The following CLTC variants were observed in gnomAD, a reference collection of about 807,000 sequenced individuals.
CLTC encodes clathrin heavy chain 1.
Under a neutral mutation model 195.8 loss-of-function variants are expected in CLTC, and 16 were observed. The observed-to-expected ratio is 0.08, with a 90% CI of 0.06 to 0.12. The LOEUF (loss-of-function observed/expected upper bound fraction) is 0.12. Among genes scored for constraint, CLTC ranks in the 10% least tolerant of loss-of-function variants. The pLI, the probability that CLTC is intolerant of heterozygous loss-of-function variation, is 1.00. For missense variants in CLTC, 796 were observed against 2,027.0 expected (o/e 0.39, Z 11.66); for synonymous variants, 667 against 689.4 (o/e 0.97, Z 0.51).
chr17:59,645,405 A>G (rs1402771965), intron 2 of CLTC, among the ~76,000 whole-genome samples: 2 of 152,216 alleles, frequency 1.3e-5, no homozygotes, highest in Non-Finnish European at 1.5e-5. Context: ...AAGTCTAAAC[A>G]GAGTTCAAAG....
At chr17:59,654,942 G>A (rs1487300701) in intron 5 of CLTC, among the ~76,000 whole-genome samples, 1 of 152,180 alleles carries the variant, frequency 6.6e-6, no homozygotes, top group Non-Finnish European at 1.5e-5. Context: ...GTGAGAAAAT[G>A]AGACTGGGAT....
At chr17:59,668,286 G>GTGTA (rs1284204465) in intron 13 of CLTC, among the ~76,000 whole-genome samples, 2 of 152,210 alleles carry the variant, frequency 1.3e-5, no homozygotes, top group African/African-American at 4.8e-5. Flanking sequence ...GGGCACAATG[G>GTGTA]TGTATGCCTT....
Position 59,681,758 on chromosome 17 carries a change from G to A in CLTC, c.3361G>A (p.Val1121Met), listed in dbSNP as rs1292073753. 2 of 1,614,078 alleles carry A rather than the reference G, an allele frequency of 1.2e-6. No homozygotes were observed. Among genetic ancestry groups the A allele is most frequent in the South Asian group, 1.1e-5 (1 of 91,074 alleles). Reference protein sequence around the residue: ...LAKAQLQKGMVKEAIDSYIKA... With the variant: ...LAKAQLQKGMMKEAIDSYIKA... ...AAAAGCCCAGTTGCAGAAAGGAATGGTGAAAGAAGCCATTGATTCTTATAT... is the reference window on the plus strand; with the variant it reads ...AAAAGCCCAGTTGCAGAAAGGAATGATGAAAGAAGCCATTGATTCTTATAT... The change falls in exon 21 of 32, where the codon GTG (valine) becomes ATG (methionine). Residue 1121 changes from valine (V) to methionine (M), a missense_variant. Physicochemically the swap from Val to Met is conservative, Grantham distance 21 (BLOSUM62 1). This residue lies in a region of CLTC where 50 missense variants were observed against 77.2 expected (regional missense o/e 0.65). Coordinates refer to ENST00000269122, the MANE Select transcript of CLTC (RefSeq NM_004859.4). This position sits in a 1 kb window ranked among gnomAD's most constrained non-coding sequence, Gnocchi z 5.0.
intron 1 of CLTC, among the ~76,000 whole-genome samples, chr17:59,626,775 T>G (rs1013594053): frequency 1.3e-5 from 2 of 152,244 alleles, no homozygotes; most frequent in Non-Finnish European, 2.9e-5. Flanking sequence ...TGCTCTTAAC[T>G]CAAAAGATGG....
intron 30 of CLTC, among the ~76,000 whole-genome samples, chr17:59,686,682 C>T (rs2033192064): frequency 6.6e-6 from 1 of 152,136 alleles, no homozygotes; most frequent in Non-Finnish European, 1.5e-5. Context: ...TTATCTTAGC[C>T]ATAGATGAGA....
At chr17:59,634,539 A>T (rs1250833146) in intron 1 of CLTC, among the ~76,000 whole-genome samples, 2 of 152,180 alleles carry the variant, frequency 1.3e-5, no homozygotes, top group Non-Finnish European at 2.9e-5. Context: ...CTGGTAGTTT[A>T]CCAAAGCTAA....
At chr17:59,640,908 C>G (rs2032010865) in intron 1 of CLTC, among the ~76,000 whole-genome samples, 1 of 151,776 alleles carries the variant, frequency 6.6e-6, no homozygotes, top group Admixed American at 6.6e-5. Flanking sequence ...AACATGAGGT[C>G]AAGAGATCGA....
Position 59,620,087 on chromosome 17 carries a change from C to A in CLTC, c.-45C>A, listed in dbSNP as rs1371493693. ...TTGGAGAGCCCGGGCAGCCACTGCCCCGCAGCCCCAGTGACAGGAGGAGAC... is the reference window on the plus strand; with the variant it reads ...TTGGAGAGCCCGGGCAGCCACTGCCACGCAGCCCCAGTGACAGGAGGAGAC... On this transcript the variant is annotated 5_prime_UTR_variant, in exon 1 of 32. Transcript: ENST00000269122. 2.5e-6 allele frequency: 4 copies of A among 1,606,318 alleles called. No individual in the cohort carries two copies. The Admixed American group carries it at 5.0e-5, about 20-fold the overall frequency.
rs1010949878 is a variant in CLTC at position 59,695,897 on chromosome 17, A to G, written c.*2045A>G. ...TCTGTGGAGACCCTGTGGGTTCTGCAGAGTATACTTTGAAAACTATAAGAT... is the reference window on the plus strand; with the variant it reads ...TCTGTGGAGACCCTGTGGGTTCTGCGGAGTATACTTTGAAAACTATAAGAT... On this transcript the variant is annotated 3_prime_UTR_variant, in exon 32 of 32. Transcript: ENST00000269122. 2.0e-5 allele frequency: 4 copies of G among 199,498 alleles called. No homozygotes were observed. The highest frequency in any genetic ancestry group is 9.2e-5 in the African/African-American group (4 of 43,464). 12.4% of individuals were successfully genotyped at this position (199,498 alleles called of 1,614,324 possible).
At chr17:59,658,743 T>C (rs558085348) in intron 6 of CLTC, 1 of 152,370 alleles carries the variant, frequency 6.6e-6, no homozygotes, top group Admixed American at 6.5e-5. Flanking sequence ...AGAAATCTGC[T>C]AGAACAGTCT....
chr17:59,643,617 C>A (rs957559797), intron 1 of CLTC, among the ~76,000 whole-genome samples: 7 of 152,184 alleles, frequency 4.6e-5, no homozygotes, highest in African/African-American at 1.7e-4. Context: ...TATAGTGTTA[C>A]AAAAGTACTT....
intron 6 of CLTC, among the ~76,000 whole-genome samples, chr17:59,659,095 A>G (rs1194467448): frequency 6.6e-6 from 1 of 152,232 alleles, no homozygotes; most frequent in South Asian, 2.1e-4. Context: ...GTTTTATGCT[A>G]TACTAATTGC....
intron 1 of CLTC, among the ~76,000 whole-genome samples, chr17:59,643,132 G>GGGGTGT (rs747258707): frequency 7.4e-4 from 105 of 142,318 alleles, no homozygotes; most frequent in Middle Eastern, 7.1e-3. Context: ...TCTTTTCTGG[G>GGGGTGT]GTGTGTGTGT....
chr17:59,649,763 AT>A lies in CLTC; in HGVS notation c.681+1363del, dbSNP rs2032285323. Among the ~76,000 whole-genome samples, 3 of 152,356 alleles carry A rather than the reference AT, an allele frequency of 2.0e-5. No homozygotes were observed. The South Asian group carries it at 6.2e-4, about 32-fold the overall frequency. On this transcript the variant is annotated intron_variant, in intron 4 of 31. Transcript: ENST00000269122. ...TTTCACGATAGCCCCTGAATTGAGGATAATGCTACCAACACCTCAATGTGAC... is the reference window on the plus strand; with the variant it reads ...TTTCACGATAGCCCCTGAATTGAGGAAATGCTACCAACACCTCAATGTGAC...
chr17:59,692,216 C>T (rs1231735400), intron 31 of CLTC, among the ~76,000 whole-genome samples: 1 of 152,176 alleles, frequency 6.6e-6, no homozygotes, highest in Non-Finnish European at 1.5e-5. Flanking sequence ...ACTTGGGAGG[C>T]TGAGGCAGGA....
chr17:59,636,968 G>T, intron 1 of CLTC, among the ~76,000 whole-genome samples: 1 of 135,310 alleles, frequency 7.4e-6, no homozygotes. Context: ...TTTTAGTAGA[G>T]ATGGGGTTTT....
intron 16 of CLTC, 150 bp downstream of exon 16, chr17:59,674,993 T>C (rs918276283): frequency 4.2e-6 from 3 of 715,990 alleles, no homozygotes; most frequent in South Asian, 1.9e-5. Context: ...AGCTAGCTAA[T>C]AGCACTGGGA....
intron 1 of CLTC, among the ~76,000 whole-genome samples, chr17:59,635,634 T>C (rs2031838568): frequency 6.6e-6 from 1 of 152,236 alleles, no homozygotes. Context: ...TATTTGGTTG[T>C]ATGTCTTAAG....
At chr17:59,692,479 G>A (rs1385669606) in intron 31 of CLTC, among the ~76,000 whole-genome samples, 1 of 152,122 alleles carries the variant, frequency 6.6e-6, no homozygotes, top group Admixed American at 6.5e-5. Context: ...GGTAGAGAGA[G>A]GTGTTACTTG....
Sources: allele counts gnomAD v4.1 joint callset (sites outside exome capture counted in the v4.1 genomes callset), GRCh38; gene constraint gnomAD v4.1.1; regional missense constraint gnomAD v4.1.1; non-coding constraint Gnocchi (gnomAD v3.1); transcripts MANE v1.5; gene names NCBI Gene and HGNC (gene_info 2026-07-23, HGNC 2026-07-21).